Variants in ST8SIA4 observed in about 807,000 individuals in gnomAD.
ST8SIA4 encodes ST8 alpha-N-acetyl-neuraminide alpha-2,8-sialyltransferase 4, also known as CMP-N-acetylneuraminate-poly-alpha-2,8-sialyltransferase.
Under a neutral mutation model 33.9 loss-of-function variants are expected in ST8SIA4, and 15 were observed. The observed-to-expected ratio is 0.44, with a 90% CI of 0.30 to 0.68. ST8SIA4 has a LOEUF of 0.68. Among genes scored for constraint, ST8SIA4 ranks in the 30% least tolerant of loss-of-function variants. The pLI, the probability that ST8SIA4 is intolerant of heterozygous loss-of-function variation, is 0.10. For synonymous variants in ST8SIA4, 171 were observed against 151.2 expected (o/e 1.13, Z -0.96); for missense variants, 321 against 428.0 (o/e 0.75, Z 2.21).
At chr5:100,852,667 G>GT in intron 4 of ST8SIA4, among the ~76,000 whole-genome samples, 1 of 151,882 alleles carries the variant, frequency 6.6e-6, no homozygotes. Flanking sequence ...TTTTCCTTCT[G>GT]TTTTACTGAA....
intron 4 of ST8SIA4, among the ~76,000 whole-genome samples, chr5:100,837,257 A>G (rs1023631256): frequency 3.9e-5 from 6 of 152,068 alleles, no homozygotes; most frequent in South Asian, 4.1e-4. Flanking sequence ...TATATAAAGT[A>G]TCCATTACAC....
intron 2 of ST8SIA4, among the ~76,000 whole-genome samples, chr5:100,889,921 TA>T (rs945330512): frequency 2.0e-4 from 31 of 151,580 alleles, no homozygotes; most frequent in African/African-American, 5.8e-4. Flanking sequence ...AATCAAAATA[TA>T]AAAACACAAA....
intron 1 of ST8SIA4, 66 bp downstream of exon 1, chr5:100,902,777 T>C: frequency 1.5e-6 from 2 of 1,337,008 alleles, no homozygotes; most frequent in Non-Finnish European, 2.1e-6. Flanking sequence ...CACTCTACCC[T>C]CTATATTCAC....
At chr5:100,823,160 CA>C (rs148619047) in intron 4 of ST8SIA4, among the ~76,000 whole-genome samples, 5 of 149,702 alleles carry the variant, frequency 3.3e-5, no homozygotes, top group East Asian at 2.0e-4. Flanking sequence ...AACAAACAAA[CA>C]AAAAAACCCC....
intron 3 of ST8SIA4, among the ~76,000 whole-genome samples, chr5:100,863,827 T>C (rs776035049): frequency 6.6e-6 from 1 of 152,170 alleles, no homozygotes; most frequent in Non-Finnish European, 1.5e-5. Context: ...GACATAAAAT[T>C]AGAGAGTTAT....
intron 4 of ST8SIA4, among the ~76,000 whole-genome samples, chr5:100,843,476 G>C (rs1751508858): frequency 6.6e-6 from 1 of 151,920 alleles, no homozygotes; most frequent in Admixed American, 6.6e-5. Flanking sequence ...TAAGAACTGA[G>C]TGTTTGTAAC....
At chr5:100,868,557 C>T (rs939239873) in intron 3 of ST8SIA4, among the ~76,000 whole-genome samples, 3 of 152,008 alleles carry the variant, frequency 2.0e-5, no homozygotes, top group African/African-American at 7.2e-5. Flanking sequence ...CCTAACCAAA[C>T]ATCTTCAGTA....
intron 4 of ST8SIA4, among the ~76,000 whole-genome samples, chr5:100,850,294 C>T (rs948155520): frequency 2.0e-5 from 3 of 151,508 alleles, no homozygotes; most frequent in African/African-American, 4.8e-5. Flanking sequence ...GTACTCATTC[C>T]AAGTGTTTAT....
chr5:100,812,949 A>G (rs977028106), intron 4 of ST8SIA4, among the ~76,000 whole-genome samples: 6 of 152,200 alleles, frequency 3.9e-5, no homozygotes, highest in Admixed American at 2.0e-4. Context: ...AAAACAGCTG[A>G]AAGAGTGTGG....
chr5:100,876,349 C>T (rs1752305329), intron 3 of ST8SIA4, among the ~76,000 whole-genome samples: 1 of 151,972 alleles, frequency 6.6e-6, no homozygotes, highest in African/African-American at 2.4e-5. Flanking sequence ...CTCCCATTTG[C>T]TTTTTTTCCT....
intron 3 of ST8SIA4, among the ~76,000 whole-genome samples, chr5:100,864,442 G>A (rs527711571): frequency 6.6e-6 from 1 of 152,026 alleles, no homozygotes; most frequent in South Asian, 2.1e-4. Flanking sequence ...GGGCATGGTG[G>A]CGGGCGCCTG....
At chr5:100,876,537 C>A (rs1441229669) in intron 3 of ST8SIA4, among the ~76,000 whole-genome samples, 1 of 152,052 alleles carries the variant, frequency 6.6e-6, no homozygotes, top group Non-Finnish European at 1.5e-5. Flanking sequence ...TTTAACCTAG[C>A]CAATGACTGG....
chr5:100,884,549 T>C (rs570096902), intron 3 of ST8SIA4, among the ~76,000 whole-genome samples: 1 of 152,234 alleles, frequency 6.6e-6, no homozygotes, highest in East Asian at 1.9e-4. Context: ...TTCTAGAAAT[T>C]GAAGGCAGGA....
chr5:100,893,774 T>C (rs1752722725), intron 2 of ST8SIA4, among the ~76,000 whole-genome samples: 2 of 152,176 alleles, frequency 1.3e-5, no homozygotes, highest in Admixed American at 1.3e-4. Context: ...ATATACTAGT[T>C]AAACTATTAC....
At chr5:100,861,982 C>A (rs1751955851) in intron 3 of ST8SIA4, among the ~76,000 whole-genome samples, 1 of 152,168 alleles carries the variant, frequency 6.6e-6, no homozygotes, top group Non-Finnish European at 1.5e-5. Flanking sequence ...CTTTTACAAT[C>A]TATTATGATA....
chr5:100,849,472 TG>T lies in ST8SIA4; in HGVS notation c.797+6630del, dbSNP rs905542664. Reference sequence around the variant, plus strand: ...TTTCGCAGAACCTGCAAAATACATATGTGAGCTTGAATTTAAGAAACACTGC... The same window carrying T: ...TTTCGCAGAACCTGCAAAATACATATTGAGCTTGAATTTAAGAAACACTGC... On this transcript the variant is annotated intron_variant, in intron 4 of 4. Coordinates refer to ENST00000231461, the MANE Select transcript of ST8SIA4 (RefSeq NM_005668.6). 8 of 985,048 alleles carry T rather than the reference TG, an allele frequency of 8.1e-6. No individual in the cohort carries two copies. In the African/African-American group the frequency reaches 1.2e-4, roughly 15 times the overall value. The allele number at this position is 985,048 out of a possible 1,614,324, so 61.0% of individuals were successfully genotyped here.
chr5:100,886,401 C>G lies in ST8SIA4; in HGVS notation c.445G>C (p.Gly149Arg). ...FKTCAVVGNS[G>R]ILLDSECGKE... ...CCACATTCACTGTCTAACAGAATGC[C>G]AGAATTTCCAACAACTGCACAGGTC... Residue 149 changes from glycine (G) to arginine (R), a missense_variant, in exon 3 of 5, where the codon GGC becomes CGC. Physicochemically the swap from Gly to Arg is moderately radical, Grantham distance 125. Transcript: ENST00000231461. 1 of 1,613,872 alleles carries G rather than the reference C, an allele frequency of 6.2e-7. No homozygotes were observed. The highest frequency in any genetic ancestry group is 8.5e-7 in the Non-Finnish European group (1 of 1,179,808).
intron 4 of ST8SIA4, among the ~76,000 whole-genome samples, chr5:100,825,898 T>C (rs1235510916): frequency 6.6e-6 from 1 of 152,178 alleles, no homozygotes; most frequent in Non-Finnish European, 1.5e-5. Flanking sequence ...AATGCTTAAT[T>C]TGACTTGCCT....
At chr5:100,856,533 G>GT (rs1751817266) in intron 3 of ST8SIA4, 137 bp from the exon 4 acceptor site, 1 of 811,050 alleles carries the variant, frequency 1.2e-6, no homozygotes, top group African/African-American at 1.7e-5. Context: ...CATCTACTTG[G>GT]TAAGATTACA....
Sources: allele counts gnomAD v4.1 joint callset (sites outside exome capture counted in the v4.1 genomes callset), GRCh38; gene constraint gnomAD v4.1.1; transcripts MANE v1.5; gene names NCBI Gene and HGNC (gene_info 2026-07-23, HGNC 2026-07-21).